Variants in C11orf65 observed in about 807,000 individuals in gnomAD.
C11orf65 encodes the protein protein MFI.
C11orf65 carries 38 observed loss-of-function variants against 35.3 expected under a neutral mutation model. That is an observed-to-expected ratio of 1.08 (90% CI 0.83 to 1.41). The LOEUF is 1.41. Among genes scored for constraint, C11orf65 ranks in the 40% most tolerant of loss-of-function variants. The pLI, the probability that C11orf65 is intolerant of heterozygous loss-of-function variation, is 0.00. For missense variants in C11orf65, 370 were observed against 367.1 expected (o/e 1.01, Z -0.06); for synonymous variants, 105 against 114.4 (o/e 0.92, Z 0.53).
In C11orf65 at chr11:108,431,796, T is replaced by G; in HGVS notation, c.124A>C (p.Arg42=). Residue 42 remains arginine, a synonymous_variant, in exon 3 of 9, where the codon AGA becomes CGA. Coordinates refer to ENST00000393084, the MANE Select transcript of C11orf65 (RefSeq NM_152587.5). ...ATCTGACGTGGTTCTCCTTGTCTTC[T>G]TAAATCAATCAGACTTTTAAAGTGT... is the stretch of plus-strand genomic sequence containing the variant. ...FQHFKSLIDL[R]RQGEPRQIVK... is the part of the protein sequence containing the mutation. 1 of 1,530,748 alleles carries G rather than the reference T, an allele frequency of 6.5e-7. No homozygotes were observed. Among genetic ancestry groups the G allele is most frequent in the Non-Finnish European group, 8.9e-7 (1 of 1,125,102 alleles). 94.8% of individuals were successfully genotyped at this position (1,530,748 alleles called of 1,614,324 possible).
upstream of C11orf65, chr11:108,467,537 A>G (rs922427455): frequency 2.0e-5 from 3 of 152,262 alleles, no homozygotes; most frequent in African/African-American, 7.2e-5. Context: ...GACGTAACTC[A>G]ATCCGTTCTG....
In C11orf65 at chr11:108,317,103, T is replaced by TA. The variant is rs371678767; in HGVS notation, c.641-8033dup. Among the ~76,000 whole-genome samples, 91 of 149,534 alleles carry TA rather than the reference T, an allele frequency of 6.1e-4. No homozygotes were observed. Among genetic ancestry groups the TA allele is most frequent in the African/African-American group, 1.2e-3 (47 of 40,676 alleles). On this transcript the variant is annotated intron_variant, in intron 6 of 6. Coordinates refer to the C11orf65 transcript ENST00000525729. ...TACACACTACCATACCCAGCTATTT[T>TA]AAAAAAAAAAAAAAATTGTAGAGAC...
chr11:108,454,177 T>C (rs2093385035), intron 2 of C11orf65, among the ~76,000 whole-genome samples: 1 of 152,172 alleles, frequency 6.6e-6, no homozygotes, highest in Non-Finnish European at 1.5e-5. Flanking sequence ...TTTGCCCATT[T>C]CTTCTAAGTT....
intron 2 of C11orf65, chr11:108,353,989 G>C: frequency 8.8e-7 from 1 of 1,132,002 alleles, no homozygotes; most frequent in Non-Finnish European, 1.3e-6. Context: ...GCTGAAGTGG[G>C]AGGATTGTTT....
Position 108,419,734 on chromosome 11 carries a change from A to G in C11orf65, c.174+12012T>C, listed in dbSNP as rs565164550. On this transcript the variant is annotated intron_variant, in intron 3 of 8. Coordinates refer to ENST00000393084, the MANE Select transcript of C11orf65 (RefSeq NM_152587.5). ...AAAATCAAAAAACTCTTTTAGTTCA[A>G]CAGGAATAGAAGGAAACTTCCTTAA... is the stretch of plus-strand genomic sequence containing the variant. 3.4e-3 allele frequency among the ~76,000 whole-genome samples: 524 copies of G among 152,304 alleles called. 3 individuals carry two copies. Among genetic ancestry groups the G allele is most frequent in the Non-Finnish European group, 5.1e-3 (350 of 68,032 alleles).
In C11orf65 at chr11:108,331,453, A is replaced by G. The variant is rs979101125; in HGVS notation, c.*97T>C. 3 of 1,613,078 alleles carry G rather than the reference A, an allele frequency of 1.9e-6. No homozygotes were observed. In the African/African-American group the frequency reaches 4.0e-5, roughly 22 times the overall value. On this transcript the variant is annotated 3_prime_UTR_variant, in exon 4 of 4. Coordinates refer to the C11orf65 transcript ENST00000524755. ...TTTTTTTTAATGGTAGAGAGACGGA[A>G]TGAAGATTCCAACATATAAATTTTT...
intron 3 of C11orf65, 32 bp downstream of exon 3, chr11:108,431,714 T>C (rs750244345): frequency 2.7e-6 from 3 of 1,126,688 alleles, no homozygotes; most frequent in African/African-American, 3.1e-5. Context: ...TGGAAAAATA[T>C]AGGATGCTAT....
chr11:108,398,748 A>G (rs1161167301), intron 6 of C11orf65, among the ~76,000 whole-genome samples: 1 of 152,200 alleles, frequency 6.6e-6, no homozygotes, highest in Non-Finnish European at 1.5e-5. Context: ...CTGTAACCAC[A>G]CTTCCTTTGC....
downstream of C11orf65, among the ~76,000 whole-genome samples, chr11:108,379,134 C>A (rs943668577): frequency 2.4e-4 from 37 of 151,976 alleles, 1 homozygote; most frequent in Non-Finnish European, 3.7e-4. Flanking sequence ...TGGGTATATA[C>A]CCAAAGGACT....
At position 108,403,433 on chromosome 11, in the gene C11orf65, TTA is replaced by T. The variant is rs1491282702; in HGVS notation, c.560+1994_560+1995del. On this transcript the variant is annotated intron_variant, in intron 6 of 8. Coordinates refer to ENST00000393084, the MANE Select transcript of C11orf65 (RefSeq NM_152587.5). ...GGTTTTTTTTTTGTTTTTTTTTTTT[TTA>T]CATATTCTTGATTCAAGAACTTTGT... Among the ~76,000 whole-genome samples the T allele has an allele frequency of 4.7e-5, 7 of 150,516 alleles. 1 individual carries two copies. Among genetic ancestry groups the T allele is most frequent in the African/African-American group, 1.5e-4 (6 of 40,994 alleles).
intron 2 of C11orf65, chr11:108,336,239 A>T: frequency 2.7e-6 from 1 of 365,514 alleles, no homozygotes; most frequent in Non-Finnish European, 5.1e-6. Flanking sequence ...CAGGAGTTTG[A>T]GGCTGCAGTG....
chr11:108,463,655 G>C (rs1228810925), intron 1 of C11orf65, among the ~76,000 whole-genome samples: 1 of 151,840 alleles, frequency 6.6e-6, no homozygotes, highest in African/African-American at 2.4e-5. Context: ...TAAAATATGG[G>C]GACTCATTGT....
At chr11:108,378,173 G>T (rs949402041), downstream of C11orf65, among the ~76,000 whole-genome samples, 1 of 152,178 alleles carries the variant, frequency 6.6e-6, no homozygotes, top group South Asian at 2.1e-4. Context: ...GCATCGGCAA[G>T]TCAATCCTAA....
chr11:108,403,077 T>A (rs1431250954), intron 6 of C11orf65, among the ~76,000 whole-genome samples: 2 of 152,202 alleles, frequency 1.3e-5, no homozygotes, highest in African/African-American at 4.8e-5. Context: ...TGGACATGTT[T>A]TTATTTCTCT....
chr11:108,398,880 A>G (rs922850583), intron 6 of C11orf65, among the ~76,000 whole-genome samples: 1 of 152,246 alleles, frequency 6.6e-6, no homozygotes, highest in African/African-American at 2.4e-5. Context: ...TAAAATTAAT[A>G]TCCAGAATAT....
chr11:108,354,670 A>G (rs2089663042), intron 2 of C11orf65: 1 of 790,458 alleles, frequency 1.3e-6, no homozygotes, highest in African/African-American at 1.7e-5. Context: ...CACTCTGCCA[A>G]GTATTATGCT....
downstream of C11orf65, among the ~76,000 whole-genome samples, chr11:108,379,791 C>G (rs928209916): frequency 1.3e-5 from 2 of 152,170 alleles, no homozygotes; most frequent in African/African-American, 2.4e-5. Flanking sequence ...CACAGGCCAG[C>G]TGCTTTACTT....
intron 2 of C11orf65, among the ~76,000 whole-genome samples, chr11:108,447,113 GA>G (rs1337352193): frequency 2.1e-4 from 32 of 152,062 alleles, no homozygotes; most frequent in African/African-American, 6.5e-4. Flanking sequence ...CCCAATACAG[GA>G]GCACCAAGAT....
At chr11:108,403,307 A>G (rs2092472516) in intron 6 of C11orf65, among the ~76,000 whole-genome samples, 1 of 151,826 alleles carries the variant, frequency 6.6e-6, no homozygotes. Context: ...ATGATTAATC[A>G]TAGTCACTGG....
Sources: allele counts gnomAD v4.1 joint callset (sites outside exome capture counted in the v4.1 genomes callset), GRCh38; gene constraint gnomAD v4.1.1; transcripts MANE v1.5; gene names NCBI Gene and HGNC (gene_info 2026-07-23, HGNC 2026-07-21).